The following GALNT17 variants were observed in gnomAD, a reference collection of about 807,000 sequenced individuals.
GALNT17 encodes the protein polypeptide N-acetylgalactosaminyltransferase 17, also known as UDP-GalNAc:polypeptide N-acetylgalactosaminyltransferase-like 3.
Under a neutral mutation model 63.7 loss-of-function variants are expected in GALNT17, and 29 were observed. The ratio of observed to expected loss-of-function variants is 0.46; its 90% CI spans 0.34 to 0.62. The LOEUF (loss-of-function observed/expected upper bound fraction) is 0.62. GALNT17 is among the 20% of genes least tolerant of loss of function. The pLI is 0.01. For synonymous variants in GALNT17, 305 were observed against 318.3 expected (o/e 0.96, Z 0.45); for missense variants, 603 against 799.6 (o/e 0.75, Z 2.97).
rs73187141 is a variant in GALNT17 at position 71,616,294 on chromosome 7, G to A, written c.1080+44892G>A. ...GTAAATTCCAGATTCTTTCCCCCCC[G>A]TCCTCTCAGAGACTTGATTGCTTCT... is the stretch of plus-strand genomic sequence containing the variant. On this transcript the variant is annotated intron_variant, in intron 6 of 10. Transcript: ENST00000333538. Among the ~76,000 whole-genome samples the A allele has an allele frequency of 6.3e-3, 964 of 151,814 alleles. 5 individuals carry two copies. The highest frequency in any genetic ancestry group is 9.4e-3 in the Non-Finnish European group (639 of 67,888).
rs182113718 is a variant in GALNT17, at chr7:71,412,804, A to G, written c.590-3085A>G. ...ACGCCTGTAATCCTAGCACTTTAAGAGGCTGAGGTAGGGGGATCACTTGAG... is the reference window on the plus strand; with the variant it reads ...ACGCCTGTAATCCTAGCACTTTAAGGGGCTGAGGTAGGGGGATCACTTGAG... On this transcript the variant is annotated intron_variant, in intron 3 of 10. Coordinates refer to ENST00000333538, the MANE Select transcript of GALNT17 (RefSeq NM_022479.3). Among the ~76,000 whole-genome samples the G allele has an allele frequency of 4.1e-3, 628 of 152,248 alleles. 7 individuals carry two copies. Among genetic ancestry groups the G allele is most frequent in the African/African-American group, 0.013 (548 of 41,564 alleles).
chr7:71,632,077 A>T (rs762102361), intron 6 of GALNT17, among the ~76,000 whole-genome samples: 19 of 148,888 alleles, frequency 1.3e-4, no homozygotes, highest in Non-Finnish European at 1.5e-5. Flanking sequence ...GGACCTGAAG[A>T]TGTTTAGTCT....
At chr7:71,549,679 T>C (rs777535181) in intron 5 of GALNT17, among the ~76,000 whole-genome samples, 1 of 152,022 alleles carries the variant, frequency 6.6e-6, no homozygotes, top group African/African-American at 2.4e-5. Flanking sequence ...TCTCCTTGAG[T>C]TGTGTTAGAA....
intron 6 of GALNT17, among the ~76,000 whole-genome samples, chr7:71,580,511 G>A (rs1392035264): frequency 6.6e-6 from 1 of 152,148 alleles, no homozygotes; most frequent in African/African-American, 2.4e-5. Flanking sequence ...AGAAGTAAGA[G>A]GATTAGACTT....
At chr7:71,401,707 C>T (rs953109017) in intron 3 of GALNT17, among the ~76,000 whole-genome samples, 1 of 152,152 alleles carries the variant, frequency 6.6e-6, no homozygotes, top group South Asian at 2.1e-4. Context: ...AGGTTGCGCG[C>T]TCCTTATGAG....
intron 5 of GALNT17, among the ~76,000 whole-genome samples, chr7:71,492,966 C>T (rs532625536): frequency 1.3e-5 from 2 of 152,230 alleles, no homozygotes; most frequent in South Asian, 4.1e-4. Flanking sequence ...CCTCTCAGCC[C>T]TTAGATTTCT....
chr7:71,139,265 T>G (rs1787841763), intron 1 of GALNT17, among the ~76,000 whole-genome samples: 1 of 152,132 alleles, frequency 6.6e-6, no homozygotes. Context: ...TGGAGGGGTC[T>G]GGAGCTTCAC....
intron 1 of GALNT17, among the ~76,000 whole-genome samples, chr7:71,243,320 A>T (rs1160951817): frequency 1.3e-5 from 2 of 152,112 alleles, no homozygotes; most frequent in African/African-American, 2.4e-5. Flanking sequence ...TCTTTTCTTT[A>T]TAATTAAACC....
intron 1 of GALNT17, among the ~76,000 whole-genome samples, chr7:71,212,706 G>A (rs1233624990): frequency 6.6e-6 from 1 of 152,208 alleles, no homozygotes; most frequent in Non-Finnish European, 1.5e-5. Flanking sequence ...TGACCTGGAT[G>A]TGAGACCTGG....
chr7:71,367,549 T>G (rs1470279724), intron 2 of GALNT17, among the ~76,000 whole-genome samples: 2 of 151,740 alleles, frequency 1.3e-5, no homozygotes, highest in African/African-American at 4.8e-5. Context: ...TTGTTTGCCT[T>G]TAACAGATGG....
intron 1 of GALNT17, among the ~76,000 whole-genome samples, chr7:71,288,061 A>AG: frequency 7.0e-6 from 1 of 143,460 alleles, no homozygotes. Flanking sequence ...AAAAAAAAAA[A>AG]AAAAATTAGC....
At chr7:71,217,555 G>A (rs1442454286) in intron 1 of GALNT17, among the ~76,000 whole-genome samples, 2 of 150,812 alleles carry the variant, frequency 1.3e-5, no homozygotes, top group African/African-American at 2.4e-5. Flanking sequence ...TTTTGTTGTT[G>A]TTCTTACCTC....
rs560594721 is a variant in GALNT17, at chr7:71,561,339, C to T, written c.963-9946C>T. On this transcript the variant is annotated intron_variant, in intron 5 of 10. Transcript: ENST00000333538. Reference sequence around the variant, plus strand: ...AAATGAGTGAATTTGCATTAACCAACCTACTGATTGCCAAAGAAGTTGGCG... The same window carrying T: ...AAATGAGTGAATTTGCATTAACCAATCTACTGATTGCCAAAGAAGTTGGCG... Among the ~76,000 whole-genome samples the T allele has an allele frequency of 4.6e-5, 7 of 152,148 alleles. No homozygotes were observed. The South Asian group carries it at 1.0e-3, about 23-fold the overall frequency.
At chr7:71,206,735 G>A (rs949435517) in intron 1 of GALNT17, among the ~76,000 whole-genome samples, 1 of 152,236 alleles carries the variant, frequency 6.6e-6, no homozygotes, top group Admixed American at 6.5e-5. Context: ...TGCGGCTAAA[G>A]GAATGCAGAC....
intron 6 of GALNT17, among the ~76,000 whole-genome samples, chr7:71,586,998 C>T (rs1203975703): frequency 6.6e-6 from 1 of 152,062 alleles, no homozygotes; most frequent in Non-Finnish European, 1.5e-5. Context: ...ATCAAGCTCT[C>T]TTCCTCCTTT....
At chr7:71,294,262 T>G (rs111845611) in intron 1 of GALNT17, among the ~76,000 whole-genome samples, 140 of 152,298 alleles carry the variant, frequency 9.2e-4, no homozygotes, top group Non-Finnish European at 1.6e-3. Context: ...TTATATGATT[T>G]TTGAGACTGG....
intron 5 of GALNT17, among the ~76,000 whole-genome samples, chr7:71,429,476 A>C (rs938763865): frequency 6.6e-6 from 1 of 152,222 alleles, no homozygotes; most frequent in African/African-American, 2.4e-5. Context: ...GAACAGAAAA[A>C]ATAATGGCTA....
At chr7:71,233,896 G>A (rs111975513) in intron 1 of GALNT17, among the ~76,000 whole-genome samples, 6,169 of 152,232 alleles carry the variant, frequency 0.041, 403 homozygotes, top group African/African-American at 0.14. Context: ...ATGGTGGAAG[G>A]CAAAGGGGAA....
intron 6 of GALNT17, among the ~76,000 whole-genome samples, chr7:71,619,362 A>T (rs1323971855): frequency 6.6e-6 from 1 of 152,208 alleles, no homozygotes; most frequent in Non-Finnish European, 1.5e-5. Context: ...AATAACATTG[A>T]ATCTGTAAAT....
Sources: gnomAD v4.1 joint callset for allele counts (sites outside exome capture counted in the v4.1 genomes callset) on GRCh38, gnomAD v4.1.1 for gene constraint, MANE v1.5 for transcripts, NCBI Gene and HGNC (gene_info 2026-07-23, HGNC 2026-07-21) for gene names.